Variants in USH1C observed in about 807,000 individuals in gnomAD.
USH1C encodes harmonin.
A neutral mutation model predicts 119.3 loss-of-function variants in USH1C; 90 were observed. The observed-to-expected ratio is 0.75, with a 90% CI of 0.64 to 0.90. USH1C has a LOEUF of 0.90. USH1C is among the 40% of genes least tolerant of loss of function. The pLI is 0.00. For missense variants in USH1C, 1,165 were observed against 1,167.7 expected (o/e 1.00, Z 0.03); for synonymous variants, 465 against 443.3 (o/e 1.05, Z -0.62).
rs560066218 is a variant in USH1C at position 17,505,863 on chromosome 11, G to A, written c.2100C>T (p.Phe700=). The A allele has an allele frequency of 6.2e-6, 10 of 1,614,166 alleles. No homozygotes were observed. Among genetic ancestry groups the A allele is most frequent in the Middle Eastern group, 1.7e-4 (1 of 6,060 alleles). Reference sequence around the variant, plus strand: ...CAGATTTCACAGCTGGCCTGTAGATGAAATTGGGCTCCTGGTGGACCATGA... The same window carrying A: ...CAGATTTCACAGCTGGCCTGTAGATAAAATTGGGCTCCTGGTGGACCATGA... The part of the protein sequence containing the change: ...KPVMVHQEPN[F]IYRPAVKSEV... Residue 700 remains phenylalanine, a synonymous_variant, in exon 19 of 27, where the codon TTC becomes TTT. Transcript: ENST00000005226.
At position 17,528,347 on chromosome 11, in the gene USH1C, C is replaced by T. The variant is rs189346043; in HGVS notation, c.388-1016G>A. Among the ~76,000 whole-genome samples, 1,124 of 152,298 alleles carry T rather than the reference C, an allele frequency of 7.4e-3. 17 individuals carry two copies. The highest frequency in any genetic ancestry group is 0.025 in the African/African-American group (1,038 of 41,548). On this transcript the variant is annotated intron_variant, in intron 4 of 26. Transcript: ENST00000005226. Reference sequence around the variant, plus strand: ...ATACTGCCGGCTCCTCCAGGCACCCCGGCCCTGGGGATCAATTCTGGAGCT... The same window carrying T: ...ATACTGCCGGCTCCTCCAGGCACCCTGGCCCTGGGGATCAATTCTGGAGCT...
chr11:17,505,707 G>A (rs1849621787), intron 19 of USH1C, 123 bp downstream of exon 19: 1 of 1,424,190 alleles, frequency 7.0e-7, no homozygotes, highest in Admixed American at 2.0e-5. Context: ...AAGGTTAAGA[G>A]ATGGCATCTG....
At chr11:17,514,547 A>G (rs1458630809) in intron 15 of USH1C, 2 of 152,196 alleles carry the variant, frequency 1.3e-5, no homozygotes, top group East Asian at 1.9e-4. Flanking sequence ...ATGCACAGAT[A>G]TCATGGCCAT....
At chr11:17,534,816 G>T (rs1851162839) in intron 1 of USH1C, among the ~76,000 whole-genome samples, 1 of 149,324 alleles carries the variant, frequency 6.7e-6, no homozygotes, top group African/African-American at 2.5e-5. Context: ...GGAGGTTGCA[G>T]TGAGCCAAGA....
chr11:17,498,240 T>C lies in USH1C; in HGVS notation c.2412A>G (p.Ala804=), dbSNP rs561818919. 1 of 1,614,172 alleles carries C rather than the reference T, an allele frequency of 6.2e-7. No homozygotes were observed. Among genetic ancestry groups the C allele is most frequent in the South Asian group, 1.1e-5 (1 of 91,080 alleles). ...AGTCTGTCACAATCTTGCCGTTGAT[T>C]GCCATGATCTCGTCCCCTTTCACAA... ...GGIVKGDEIM[A]INGKIVTDYT... Residue 804 remains alanine (A), a synonymous_variant, in exon 24 of 27, where the codon GCA becomes GCG. Coordinates refer to ENST00000005226, the MANE Select transcript of USH1C (RefSeq NM_153676.4).
At chr11:17,527,082 C>T in intron 5 of USH1C, 42 bp from the exon 6 acceptor site, 2 of 1,460,666 alleles carry the variant, frequency 1.4e-6, no homozygotes, top group Non-Finnish European at 1.8e-6. Flanking sequence ...CTCCCCCGCC[C>T]TCCCTCCCTC....
At chr11:17,542,638 A>C (rs1048283240) in intron 1 of USH1C, among the ~76,000 whole-genome samples, 3 of 152,208 alleles carry the variant, frequency 2.0e-5, no homozygotes, top group Admixed American at 2.0e-4. Context: ...TCTCACAAAA[A>C]AGAGAGAGCA....
chr11:17,529,625 C>T lies in USH1C; in HGVS notation c.387+1529G>A, dbSNP rs570759038. On this transcript the variant is annotated intron_variant, in intron 4 of 26. Transcript: ENST00000005226. ...AAGGGAATTTGCCCAGAACCCCAGT[C>T]GGAATGATTCCCACACAGCCCCTGG... Among the ~76,000 whole-genome samples the T allele has an allele frequency of 1.2e-3, 184 of 152,346 alleles. 1 individual carries two copies. The highest frequency in any genetic ancestry group is 1.9e-3 in the African/African-American group (81 of 41,582).
rs757587650 is a variant in USH1C at position 17,505,957 on chromosome 11, G to A, written c.2014-8C>T. Reference sequence around the variant, plus strand: ...TGGGCTTGGGCAAAATGTCTAAGGAGTTAGTTTAACAGGGACCCAGGTGAG... The same window carrying A: ...TGGGCTTGGGCAAAATGTCTAAGGAATTAGTTTAACAGGGACCCAGGTGAG... On this transcript the variant is annotated splice_polypyrimidine_tract_variant and splice_region_variant and intron_variant, in intron 18 of 26. Coordinates refer to ENST00000005226, the MANE Select transcript of USH1C (RefSeq NM_153676.4). The A allele has an allele frequency of 1.2e-6, 2 of 1,614,094 alleles. No individual in the cohort carries two copies. Among genetic ancestry groups the A allele is most frequent in the Non-Finnish European group, 1.7e-6 (2 of 1,180,048 alleles).
intron 4 of USH1C, among the ~76,000 whole-genome samples, chr11:17,528,649 C>T (rs908876249): frequency 4.6e-5 from 7 of 152,206 alleles, no homozygotes; most frequent in Admixed American, 3.3e-4. Context: ...ATGCAGCCTC[C>T]GAGGGGTCCT....
At chr11:17,500,195 G>A (rs1849383826) in intron 23 of USH1C, among the ~76,000 whole-genome samples, 2 of 152,232 alleles carry the variant, frequency 1.3e-5, no homozygotes, top group Non-Finnish European at 2.9e-5. Context: ...AAAATGAGAA[G>A]AGAGACACAG....
Position 17,524,668 on chromosome 11 carries a change from C to T in USH1C, c.675-133G>A, listed in dbSNP as rs114117710. ...CTTCAGCCTCTGTGTCCCTCTCCAG[C>T]CTGATTTCTACTGCTACCCTGGGCA... On this transcript the variant is annotated intron_variant, in intron 8 of 26. Transcript: ENST00000005226. 4.2e-3 allele frequency: 4,216 copies of T among 1,014,440 alleles called. 109 individuals carry two copies. In the African/African-American group the frequency reaches 0.06, roughly 14 times the overall value. The allele number at this position is 1,014,440 out of a possible 1,614,324, so 62.8% of individuals were successfully genotyped here. A position where few individuals can be genotyped will look rare whatever the true frequency, so the allele number is the denominator to read the frequency against.
chr11:17,495,234 G>T, intron 26 of USH1C: 2 of 392,782 alleles, frequency 5.1e-6, no homozygotes, highest in Non-Finnish European at 4.8e-6. Context: ...TCGAGGCATT[G>T]TCTGTGTCCC....
At chr11:17,498,522 A>G (rs906013616) in intron 23 of USH1C, among the ~76,000 whole-genome samples, 1 of 152,136 alleles carries the variant, frequency 6.6e-6, no homozygotes, top group Non-Finnish European at 1.5e-5. Flanking sequence ...ATTGATGATG[A>G]GCCTCTGTTA....
chr11:17,495,420 C>A (rs1339723691), intron 26 of USH1C, 149 bp downstream of exon 26: 6 of 841,442 alleles, frequency 7.1e-6, no homozygotes, highest in Non-Finnish European at 1.2e-5. Flanking sequence ...CCACTGTGGC[C>A]AACAGCAGGC....
chr11:17,521,250 C>A (rs1850400179), intron 13 of USH1C, 96 bp downstream of exon 13: 1 of 1,330,952 alleles, frequency 7.5e-7, no homozygotes, highest in South Asian at 1.2e-5. Flanking sequence ...ATGAGAGAAC[C>A]AGGTAAACTG....
At chr11:17,527,492 G>C (rs528844383) in intron 4 of USH1C, among the ~76,000 whole-genome samples, 161 bp from the exon 5 acceptor site, 7 of 152,186 alleles carry the variant, frequency 4.6e-5, no homozygotes, top group African/African-American at 1.7e-4. Flanking sequence ...CCCTCCATCA[G>C]CCCGGGGGAT....
chr11:17,525,268 C>T lies in USH1C; in HGVS notation c.675-733G>A, dbSNP rs568893609. On this transcript the variant is annotated intron_variant, in intron 8 of 26. Coordinates refer to ENST00000005226, the MANE Select transcript of USH1C (RefSeq NM_153676.4). ...CCTGGACGCAGAATGTAGTCCCGTT[C>T]GAGTCCCTATCACCCTATATTATAA... Among the ~76,000 whole-genome samples the T allele has an allele frequency of 4.4e-3, 667 of 152,270 alleles. 6 individuals carry two copies. Among genetic ancestry groups the T allele is most frequent in the African/African-American group, 0.016 (645 of 41,530 alleles).
intron 25 of USH1C, among the ~76,000 whole-genome samples, chr11:17,496,160 G>A (rs1269535589): frequency 1.3e-5 from 2 of 152,150 alleles, no homozygotes; most frequent in Admixed American, 6.5e-5. Context: ...CAGATAAGAT[G>A]TTGACAGGAA....
Sources: allele counts gnomAD v4.1 joint callset (sites outside exome capture counted in the v4.1 genomes callset), GRCh38; gene constraint gnomAD v4.1.1; transcripts MANE v1.5; gene names NCBI Gene and HGNC (gene_info 2026-07-23, HGNC 2026-07-21).